Variants in CALR3 observed in about 807,000 individuals in gnomAD.
CALR3 encodes calreticulin 3, also known as calreticulin-3.
In CALR3, 39 loss-of-function variants were observed where a neutral mutation model predicts 48.7. The ratio of observed to expected loss-of-function variants is 0.80; its 90% CI spans 0.62 to 1.05. The LOEUF is 1.05. Among genes scored for constraint, CALR3 ranks in the 50% least tolerant of loss-of-function variants. CALR3 has a pLI of 0.00. For missense variants in CALR3, 449 were observed against 474.7 expected (o/e 0.95, Z 0.50); for synonymous variants, 185 against 172.7 (o/e 1.07, Z -0.56).
chr19:16,492,377 AC>A (rs2093399444), intron 2 of CALR3, among the ~76,000 whole-genome samples: 1 of 151,984 alleles, frequency 6.6e-6, no homozygotes, highest in South Asian at 2.1e-4. Context: ...AACTGTTTGA[AC>A]CTGGGAGATG....
At chr19:16,495,432 G>A (rs777978697) in intron 2 of CALR3, among the ~76,000 whole-genome samples, 4 of 151,228 alleles carry the variant, frequency 2.6e-5, no homozygotes, top group Non-Finnish European at 4.4e-5. Flanking sequence ...GGTGGCGCGC[G>A]CCTGTAGTCT....
chr19:16,481,435 A>G (rs1052984641), intron 7 of CALR3, among the ~76,000 whole-genome samples: 4 of 150,674 alleles, frequency 2.7e-5, no homozygotes, highest in African/African-American at 7.3e-5. Flanking sequence ...CGGGATCACC[A>G]AAACTTTTTT....
At chr19:16,485,013 T>C in intron 4 of CALR3, 150 bp downstream of exon 4, 1 of 642,848 alleles carries the variant, frequency 1.6e-6, no homozygotes, top group Non-Finnish European at 2.8e-6. Context: ...GTATCTCCAA[T>C]GGGCCCCCTA....
rs537003525 is a variant in CALR3 at position 16,491,366 on chromosome 19, C to T, written c.194-796G>A. ...CTCGATCCCCTGACCTCATGATCCG[C>T]CTGCCTCGGCCTCCCAAAGTGCTGG... On this transcript the variant is annotated intron_variant, in intron 2 of 8. Transcript: ENST00000269881. 2.0e-5 allele frequency among the ~76,000 whole-genome samples: 3 copies of T among 151,652 alleles called. No individual in the cohort carries two copies. The East Asian group carries it at 5.9e-4, about 30-fold the overall frequency.
In CALR3 at chr19:16,479,152, A is replaced by T. The variant is rs1174834467; in HGVS notation, c.1134T>A (p.Phe378Leu). The part of the protein sequence containing the change: ...INRHEHYFNQ[F>L]HRRNEL ...ATCACTAAAGTTCATTCCTTCTGTGAAATTGATTGAAGTAATGTTCGTGCC... is the reference window on the plus strand; with the variant it reads ...ATCACTAAAGTTCATTCCTTCTGTGTAATTGATTGAAGTAATGTTCGTGCC... Residue 378 changes from phenylalanine to leucine, a missense_variant, in exon 9 of 9, where the codon TTT becomes TTA. Transcript: ENST00000269881. 7 of 1,614,158 alleles carry T rather than the reference A, an allele frequency of 4.3e-6. No individual in the cohort carries two copies. Among genetic ancestry groups the T allele is most frequent in the Middle Eastern group, 1.6e-4 (1 of 6,062 alleles).
chr19:16,490,142 A>G (rs902313759), intron 3 of CALR3, among the ~76,000 whole-genome samples: 1 of 152,214 alleles, frequency 6.6e-6, no homozygotes, highest in Non-Finnish European at 1.5e-5. Flanking sequence ...TGGTGAATAA[A>G]TAACTTCTTC....
At chr19:16,495,250 A>T (rs2093405131) in intron 2 of CALR3, among the ~76,000 whole-genome samples, 1 of 91,776 alleles carries the variant, frequency 1.1e-5, no homozygotes. Context: ...AAAAAAAAAA[A>T]GGAATCTTTG....
intron 3 of CALR3, 126 bp from the exon 4 acceptor site, chr19:16,485,383 G>C (rs1599718813): frequency 3.0e-6 from 2 of 668,292 alleles, no homozygotes; most frequent in Non-Finnish European, 2.7e-6. Context: ...GGAGTGCAGT[G>C]ATCTTGGCTC....
intron 8 of CALR3, among the ~76,000 whole-genome samples, chr19:16,480,200 C>CAAAA (rs57759885): frequency 7.1e-5 from 5 of 70,802 alleles, no homozygotes; most frequent in Admixed American, 1.6e-4. Context: ...GACTCCGTCT[C>CAAAA]AAAAAAAAAA....
chr19:16,484,688 T>G (rs1056679923), intron 4 of CALR3, among the ~76,000 whole-genome samples: 1 of 151,790 alleles, frequency 6.6e-6, no homozygotes, highest in Non-Finnish European at 1.5e-5. Flanking sequence ...TGGCTAATTT[T>G]TGTATTTTTT....
intron 2 of CALR3, among the ~76,000 whole-genome samples, chr19:16,495,227 C>CAAAAA (rs548752979): frequency 8.1e-6 from 1 of 123,128 alleles, no homozygotes; most frequent in Non-Finnish European, 1.6e-5. Context: ...CTCCTACTAC[C>CAAAAA]AAAAAAAAAA....
intron 1 of CALR3, 57 bp downstream of exon 1, chr19:16,495,982 T>G: frequency 6.4e-7 from 1 of 1,567,178 alleles, no homozygotes; most frequent in Non-Finnish European, 8.7e-7. Flanking sequence ...TGGCCAGCCT[T>G]AGGGGGCGGA....
At position 16,485,248 on chromosome 19, in the gene CALR3, A is replaced by T; in HGVS notation, c.407T>A (p.Ile136Asn). The change falls in exon 4 of 9, where the codon ATT becomes AAT. Residue 136 changes from isoleucine (I) to asparagine (N), a missense_variant. Physicochemically the swap from Ile to Asn is moderately radical, Grantham distance 149. Coordinates refer to ENST00000269881, the MANE Select transcript of CALR3 (RefSeq NM_145046.5). ...SQYYIMFGPD[I>N]CGFDIKKVHV... The stretch of plus-strand genomic sequence containing the variant: ...AACTTTCTTGATATCAAATCCACAA[A>T]TATCGGGTCCTACAAAAAAGATTAG... 2.5e-6 allele frequency: 4 copies of T among 1,602,640 alleles called. No individual in the cohort carries two copies. The highest frequency in any genetic ancestry group is 3.4e-6 in the Non-Finnish European group (4 of 1,169,996).
chr19:16,493,419 T>C (rs2122147927), intron 2 of CALR3, among the ~76,000 whole-genome samples: 1 of 152,338 alleles, frequency 6.6e-6, no homozygotes, highest in Non-Finnish European at 1.5e-5. Context: ...TCTCTAAACT[T>C]TGTCTATACA....
Position 16,480,653 on chromosome 19 carries a change from G to T in CALR3, c.972C>A (p.Tyr324Ter), listed in dbSNP as rs9305079. ...AGGTGGCCTTGCCAAAATTATCTGC[G>T]TACTCTTCATCATCTGTGATCAGAA... is the stretch of plus-strand genomic sequence containing the variant. ...DNFLITDDEE[Y>*]ADNFGKATWG... The change falls in exon 8 of 9, where the codon TAC (tyrosine) becomes TAA (stop). Residue 324 changes from tyrosine to a stop codon, truncating the protein, a stop_gained. Coordinates refer to ENST00000269881, the MANE Select transcript of CALR3 (RefSeq NM_145046.5). LOFTEE classifies it low-confidence loss of function (END_TRUNC). 6.2e-7 allele frequency: 1 copy of T among 1,613,476 alleles called. No homozygotes were observed. Among genetic ancestry groups the T allele is most frequent in the Non-Finnish European group, 8.5e-7 (1 of 1,179,606 alleles).
intron 5 of CALR3, 171 bp downstream of exon 5, chr19:16,483,759 T>C (rs1278156884): frequency 4.8e-6 from 3 of 626,162 alleles, no homozygotes; most frequent in Non-Finnish European, 5.6e-6. Context: ...TGTTTTACGA[T>C]ACCTTCAGAT....
In CALR3 at chr19:16,482,473, C is replaced by T; in HGVS notation, c.895G>A (p.Ala299Thr). ...YDLSEFENIG[A>T]IGLELWQVRS... ...ACCTGCCAAAGCTCCAGGCCAATGGCACCAATGTTCTCAAATTCTGAGAGG... is the reference window on the plus strand; with the variant it reads ...ACCTGCCAAAGCTCCAGGCCAATGGTACCAATGTTCTCAAATTCTGAGAGG... Residue 299 changes from alanine (A) to threonine (T), a missense_variant, in exon 7 of 9, where the codon GCC becomes ACC. Transcript: ENST00000269881. 8 of 1,614,248 alleles carry T rather than the reference C, an allele frequency of 5.0e-6. No homozygotes were observed. The highest frequency in any genetic ancestry group is 6.8e-6 in the Non-Finnish European group (8 of 1,180,048).
intron 8 of CALR3, among the ~76,000 whole-genome samples, chr19:16,479,564 G>T (rs1445182087): frequency 6.6e-6 from 1 of 150,928 alleles, no homozygotes; most frequent in East Asian, 1.9e-4. Context: ...CTCCATCCTG[G>T]GCGACAGAGC....
At chr19:16,485,026 C>G (rs2093387139) in intron 4 of CALR3, 137 bp downstream of exon 4, 2 of 676,518 alleles carry the variant, frequency 3.0e-6, no homozygotes, top group Admixed American at 4.7e-5. Flanking sequence ...GCCCCCTAAA[C>G]TGGAAACTGG....
Sources: allele counts gnomAD v4.1 joint callset (sites outside exome capture counted in the v4.1 genomes callset), GRCh38; gene constraint gnomAD v4.1.1; transcripts MANE v1.5; gene names NCBI Gene and HGNC (gene_info 2026-07-23, HGNC 2026-07-21).